Variants in CCDC178 observed in about 807,000 individuals in gnomAD.
CCDC178 encodes the protein coiled-coil domain containing 178.
A neutral mutation model predicts 117.4 loss-of-function variants in CCDC178; 126 were observed. That is an observed-to-expected ratio of 1.07 (90% confidence interval 0.93 to 1.24). CCDC178 has a LOEUF of 1.24. CCDC178 is among the 50% of genes most tolerant of loss of function. CCDC178 has a pLI of 0.00. For missense variants in CCDC178, 1,030 were observed against 986.9 expected (o/e 1.04, Z -0.59); for synonymous variants, 283 against 313.4 (o/e 0.90, Z 1.02).
intron 20 of CCDC178, among the ~76,000 whole-genome samples, chr18:33,188,054 T>C (rs2058817045): frequency 6.6e-6 from 1 of 152,096 alleles, no homozygotes; most frequent in African/African-American, 2.4e-5. Context: ...CCTGGGGAAA[T>C]ATTCCATCAA....
chr18:32,983,794 T>C (rs533733752), intron 21 of CCDC178, among the ~76,000 whole-genome samples: 1 of 152,176 alleles, frequency 6.6e-6, no homozygotes, highest in East Asian at 1.9e-4. Flanking sequence ...TGAAGGTATG[T>C]GCATGCAATT....
intron 12 of CCDC178, among the ~76,000 whole-genome samples, chr18:33,283,355 A>G (rs1215966702): frequency 6.6e-6 from 1 of 152,214 alleles, no homozygotes; most frequent in East Asian, 1.9e-4. Flanking sequence ...CCAACCTCAA[A>G]GACTGAGTGC....
At chr18:33,230,420 C>T (rs781716203) in intron 15 of CCDC178, among the ~76,000 whole-genome samples, 1 of 152,166 alleles carries the variant, frequency 6.6e-6, no homozygotes, top group Non-Finnish European at 1.5e-5. Flanking sequence ...AGCCTGGACA[C>T]ATTCTACAGC....
At chr18:33,259,542 G>A (rs1243519246) in intron 14 of CCDC178, among the ~76,000 whole-genome samples, 2 of 152,118 alleles carry the variant, frequency 1.3e-5, no homozygotes, top group East Asian at 3.9e-4. Flanking sequence ...ACAGGAGAGA[G>A]AGAGAGTGAA....
At chr18:33,075,278 T>A (rs1220090894) in intron 21 of CCDC178, among the ~76,000 whole-genome samples, 1 of 152,178 alleles carries the variant, frequency 6.6e-6, no homozygotes, top group Non-Finnish European at 1.5e-5. Flanking sequence ...GACTTGTATC[T>A]CCATTTAATT....
intron 21 of CCDC178, among the ~76,000 whole-genome samples, chr18:33,031,741 C>T (rs1160686138): frequency 2.6e-5 from 4 of 151,882 alleles, no homozygotes; most frequent in Non-Finnish European, 5.9e-5. Context: ...ATATATGCAA[C>T]ATAAATATGT....
intron 14 of CCDC178, among the ~76,000 whole-genome samples, chr18:33,248,482 T>G (rs2059577053): frequency 6.8e-6 from 1 of 147,648 alleles, no homozygotes; most frequent in African/African-American, 2.5e-5. Context: ...GTGTTCTCAT[T>G]GTTCAATTCC....
chr18:33,146,124 G>C (rs968745362), intron 20 of CCDC178, among the ~76,000 whole-genome samples: 2 of 152,154 alleles, frequency 1.3e-5, no homozygotes, highest in Admixed American at 1.3e-4. Context: ...ACTGATATTT[G>C]ATAATGCTAC....
chr18:33,428,488 C>T (rs2144958426), intron 2 of CCDC178, among the ~76,000 whole-genome samples: 1 of 152,052 alleles, frequency 6.6e-6, no homozygotes, highest in South Asian at 2.1e-4. Context: ...AATCCCAGCA[C>T]TTTGGGAGGC....
At chr18:33,083,039 TAAC>T (rs1454761125) in intron 21 of CCDC178, among the ~76,000 whole-genome samples, 1 of 152,214 alleles carries the variant, frequency 6.6e-6, no homozygotes, top group East Asian at 1.9e-4. Flanking sequence ...TCTCATTTAA[TAAC>T]AACAATAAAT....
intron 12 of CCDC178, among the ~76,000 whole-genome samples, chr18:33,287,835 TGAG>T (rs1335511299): frequency 6.6e-6 from 1 of 152,056 alleles, no homozygotes; most frequent in Non-Finnish European, 1.5e-5. Context: ...AACATCAAAT[TGAG>T]GAGGGCCAGC....
chr18:33,280,712 A>G (rs1366063334), intron 12 of CCDC178, among the ~76,000 whole-genome samples: 1 of 152,244 alleles, frequency 6.6e-6, no homozygotes, highest in Non-Finnish European at 1.5e-5. Flanking sequence ...CCAAATGTCC[A>G]ACAATGATAG....
intron 21 of CCDC178, among the ~76,000 whole-genome samples, chr18:33,066,251 T>C (rs1267975607): frequency 6.6e-6 from 1 of 152,064 alleles, no homozygotes; most frequent in African/African-American, 2.4e-5. Flanking sequence ...TACAAGAAAT[T>C]CTAAAGGGAA....
intron 20 of CCDC178, among the ~76,000 whole-genome samples, chr18:33,192,770 G>A (rs549293013): frequency 2.0e-5 from 3 of 151,360 alleles, no homozygotes; most frequent in South Asian, 4.2e-4. Flanking sequence ...GCATGGTGGC[G>A]GGTGCCTGTA....
At chr18:33,194,812 C>T (rs2058906280) in intron 20 of CCDC178, among the ~76,000 whole-genome samples, 1 of 149,530 alleles carries the variant, frequency 6.7e-6, no homozygotes, top group African/African-American at 2.5e-5. Context: ...GCCTGTAATC[C>T]CAGAACTTTG....
chr18:32,960,194 G>A (rs2054679086), intron 22 of CCDC178, among the ~76,000 whole-genome samples: 1 of 152,004 alleles, frequency 6.6e-6, no homozygotes, highest in Non-Finnish European at 1.5e-5. Context: ...TCTTTAAAGG[G>A]AAGGAAAATA....
intron 15 of CCDC178, among the ~76,000 whole-genome samples, chr18:33,236,908 T>C (rs1194683552): frequency 6.6e-6 from 1 of 152,150 alleles, no homozygotes; most frequent in African/African-American, 2.4e-5. Flanking sequence ...CAGCCCCCAC[T>C]GCCACTGTAA....
At chr18:33,086,969 G>C (rs976830881) in intron 21 of CCDC178, among the ~76,000 whole-genome samples, 1 of 124,030 alleles carries the variant, frequency 8.1e-6, no homozygotes, top group African/African-American at 3.1e-5. Context: ...GCTATTGGTT[G>C]ACACACACAC....
rs554156664 is a variant in CCDC178 at position 33,227,845 on chromosome 18, A to G, written c.1594-990T>C. On this transcript the variant is annotated intron_variant, in intron 15 of 22. Coordinates refer to ENST00000383096, the MANE Select transcript of CCDC178 (RefSeq NM_001105528.4). ...AATAAAGCAGTAACTTTGATATATC[A>G]TTTTACTTAAGGATATATCTACATC... 1.1e-4 allele frequency among the ~76,000 whole-genome samples: 17 copies of G among 152,222 alleles called. No individual in the cohort carries two copies. The East Asian group carries it at 2.5e-3, about 23-fold the overall frequency.
Sources: gnomAD v4.1 joint callset for allele counts (sites outside exome capture counted in the v4.1 genomes callset) on GRCh38, gnomAD v4.1.1 for gene constraint, MANE v1.5 for transcripts, NCBI Gene and HGNC (gene_info 2026-07-23, HGNC 2026-07-21) for gene names.